KCTD1: variants seen among roughly 807,000 people sequenced by gnomAD.
The protein encoded by KCTD1 is BTB/POZ domain-containing protein KCTD1.
KCTD1 carries 24 observed loss-of-function variants against 66.0 expected under a neutral mutation model. The observed-to-expected ratio is 0.36, with a 90% CI of 0.26 to 0.51. The LOEUF (loss-of-function observed/expected upper bound fraction) is 0.51, where lower values mean the gene tolerates loss of function less well. KCTD1 is among the 20% of genes least tolerant of loss of function. KCTD1 has a pLI of 0.95. For missense variants in KCTD1, 943 were observed against 1,205.2 expected (o/e 0.78, Z 3.22); for synonymous variants, 511 against 517.2 (o/e 0.99, Z 0.16).
chr18:26,563,885 T>C (rs1460139932), intron 1 of KCTD1, among the ~76,000 whole-genome samples: 1 of 152,208 alleles, frequency 6.6e-6, no homozygotes, highest in Non-Finnish European at 1.5e-5. Flanking sequence ...CAGTCTTAGC[T>C]CAAGTCCTCT....
intron 3 of KCTD1, among the ~76,000 whole-genome samples, chr18:26,462,786 TTACTCTCTAAG>T (rs1406020968): frequency 6.6e-6 from 1 of 152,226 alleles, no homozygotes; most frequent in Non-Finnish European, 1.5e-5. Flanking sequence ...TCATTTAACT[TTACTCTCTAAG>T]TACCACGGTT....
chr18:26,593,260 G>T (rs539683280), intron 1 of KCTD1, among the ~76,000 whole-genome samples: 20 of 150,892 alleles, frequency 1.3e-4, no homozygotes, highest in Middle Eastern at 3.5e-3. Context: ...CTTCTCATAA[G>T]GGAGGAGGAG....
intron 1 of KCTD1, among the ~76,000 whole-genome samples, chr18:26,567,438 T>C (rs1016459696): frequency 1.3e-5 from 2 of 152,098 alleles, no homozygotes; most frequent in Non-Finnish European, 2.9e-5. Context: ...AATGCTGTTG[T>C]TCTAGAGGAA....
chr18:26,547,547 C>T lies in KCTD1; in HGVS notation c.990G>A (p.Glu330=), dbSNP rs966551323. ...TRGRENQREL[E]EDSFGLAMDE... ...CCATGGCCAGCCCAAAAGAGTCCTC[C>T]TCCAACTCACGCTGGTTCTCGCGGC... The change falls in exon 1 of 5, where the codon GAG becomes GAA. Residue 330 remains glutamate, a synonymous_variant. Coordinates refer to ENST00000580059, the MANE Select transcript of KCTD1 (RefSeq NM_001142730.3). 2.6e-6 allele frequency: 4 copies of T among 1,551,676 alleles called. No individual in the cohort carries two copies. The highest frequency in any genetic ancestry group is 3.5e-6 in the Non-Finnish European group (4 of 1,146,986).
rs1243938129 is a variant in KCTD1, at chr18:26,607,615, T to TCA, written c.-16+21530_-16+21531dup. On this transcript the variant is annotated intron_variant, in intron 1 of 4. Coordinates refer to the KCTD1 transcript ENST00000317932. ...ATGTCACCACTCACCCAAATTTCAG[T>TCA]CACTGATCACATATTGGAGGATGTG... Among the ~76,000 whole-genome samples, 7 of 152,376 alleles carry TCA rather than the reference T, an allele frequency of 4.6e-5. No homozygotes were observed. In the East Asian group the frequency reaches 1.3e-3, roughly 29 times the overall value.
chr18:26,578,646 T>C lies in KCTD1; in HGVS notation c.-16+50501A>G, dbSNP rs547856934. ...TCTGGGCTCTAACCCATGGGAATAG[T>C]ATGGTTTTACACATTTCTTCCCTAG... On this transcript the variant is annotated intron_variant, in intron 1 of 4. Coordinates refer to the KCTD1 transcript ENST00000317932. Among the ~76,000 whole-genome samples the C allele has an allele frequency of 2.0e-4, 30 of 152,322 alleles. 1 individual carries two copies. The highest frequency in any genetic ancestry group is 3.4e-3 in the Middle Eastern group (1 of 294).
chr18:26,570,493 C>T (rs928656806), intron 1 of KCTD1, among the ~76,000 whole-genome samples: 2 of 152,098 alleles, frequency 1.3e-5, no homozygotes, highest in African/African-American at 2.4e-5. Context: ...ACTGCAGCCT[C>T]GACCTCCAGG....
At chr18:26,643,854 C>T (rs146672841), upstream of KCTD1, among the ~76,000 whole-genome samples, 2,966 of 152,016 alleles carry the variant, frequency 0.02, 93 homozygotes, top group African/African-American at 0.067. Flanking sequence ...CCCAGCTACT[C>T]GGGAGGCTGA....
chr18:26,531,833 T>C (rs1447828363), intron 1 of KCTD1, among the ~76,000 whole-genome samples: 1 of 152,222 alleles, frequency 6.6e-6, no homozygotes, highest in Non-Finnish European at 1.5e-5. Flanking sequence ...CCCAAGCTGA[T>C]CTCATTCTCC....
intron 1 of KCTD1, among the ~76,000 whole-genome samples, chr18:26,611,828 T>C (rs1253837956): frequency 6.6e-6 from 1 of 152,214 alleles, no homozygotes; most frequent in South Asian, 2.1e-4. Context: ...AAGACTTACA[T>C]GTTGCTATAA....
In KCTD1 at chr18:26,455,918, C is replaced by T. The variant is rs766767758; in HGVS notation, c.2440-17G>A. On this transcript the variant is annotated splice_polypyrimidine_tract_variant and intron_variant, in intron 4 of 4. Coordinates refer to ENST00000580059, the MANE Select transcript of KCTD1 (RefSeq NM_001142730.3). Reference sequence around the variant, plus strand: ...CTCGAGGACCTGCGAGGGAACAAGACAAGCATCCAGTTAGGGGTGAGGTAA... The same window carrying T: ...CTCGAGGACCTGCGAGGGAACAAGATAAGCATCCAGTTAGGGGTGAGGTAA... 1.2e-6 allele frequency: 2 copies of T among 1,610,160 alleles called. No homozygotes were observed. Among genetic ancestry groups the T allele is most frequent in the East Asian group, 2.2e-5 (1 of 44,796 alleles).
chr18:26,472,755 C>A (rs1010199676), intron 3 of KCTD1, among the ~76,000 whole-genome samples: 2 of 152,274 alleles, frequency 1.3e-5, no homozygotes, highest in African/African-American at 4.8e-5. Context: ...AGGGACCCAG[C>A]TTCCTGATTC....
chr18:26,517,425 G>A (rs2144737134), intron 1 of KCTD1, among the ~76,000 whole-genome samples: 1 of 152,296 alleles, frequency 6.6e-6, no homozygotes, highest in South Asian at 2.1e-4. Flanking sequence ...GGAGGCTGAG[G>A]TGGGCAGATC....
At chr18:26,601,449 A>G (rs1359799216) in intron 1 of KCTD1, among the ~76,000 whole-genome samples, 2 of 151,776 alleles carry the variant, frequency 1.3e-5, no homozygotes, top group Non-Finnish European at 2.9e-5. Context: ...CATCATATCT[A>G]TATATCTATC....
chr18:26,496,340 A>G (rs750984667), intron 2 of KCTD1, among the ~76,000 whole-genome samples: 1 of 152,200 alleles, frequency 6.6e-6, no homozygotes, highest in Non-Finnish European at 1.5e-5. Flanking sequence ...TGGTGGTAAT[A>G]TATTTTTCTT....
chr18:26,608,778 G>T (rs988916975), intron 1 of KCTD1, among the ~76,000 whole-genome samples: 2 of 152,134 alleles, frequency 1.3e-5, no homozygotes, highest in East Asian at 1.9e-4. Context: ...GAAATCCATC[G>T]GCAAGAAGTG....
rs73401409 is a variant in KCTD1, at chr18:26,517,371, A to C, written c.1810-16121T>G. Among the ~76,000 whole-genome samples the C allele has an allele frequency of 3.8e-3, 577 of 152,150 alleles. 7 individuals are homozygous for C. The highest frequency in any genetic ancestry group is 0.013 in the African/African-American group (549 of 41,534). On this transcript the variant is annotated intron_variant, in intron 1 of 4. Coordinates refer to ENST00000580059, the MANE Select transcript of KCTD1 (RefSeq NM_001142730.3). ...TGATGGTTTTAAAAAAGGGGAGTTT[A>C]AAGGCTGGGCATGGTGGCTCACGCC...
At chr18:26,531,592 G>C (rs772316880) in intron 1 of KCTD1, among the ~76,000 whole-genome samples, 2 of 152,198 alleles carry the variant, frequency 1.3e-5, no homozygotes, top group African/African-American at 2.4e-5. Context: ...ATTTCCCTCA[G>C]TGTACTTAAA....
intron 1 of KCTD1, among the ~76,000 whole-genome samples, chr18:26,653,406 T>C (rs138786691): frequency 1.4e-3 from 216 of 152,354 alleles, no homozygotes; most frequent in African/African-American, 5.0e-3. Flanking sequence ...TCTCAGTGTG[T>C]GGCACTTCTG....
Sources: allele counts gnomAD v4.1 joint callset (sites outside exome capture counted in the v4.1 genomes callset), GRCh38; gene constraint gnomAD v4.1.1; transcripts MANE v1.5; gene names NCBI Gene and HGNC (gene_info 2026-07-23, HGNC 2026-07-21).